DHX37: variants seen among roughly 807,000 people sequenced by gnomAD.
The protein encoded by DHX37 is probable ATP-dependent RNA helicase DHX37.
DHX37 carries 52 observed loss-of-function variants against 134.3 expected under a neutral mutation model. The observed-to-expected ratio is 0.39, with a 90% CI of 0.31 to 0.49. The LOEUF (loss-of-function observed/expected upper bound fraction) is 0.49. Ranked by LOEUF, DHX37 falls within the 20% of genes least tolerant of loss-of-function variation. The pLI is 0.93. For missense variants in DHX37, 1,344 were observed against 1,580.8 expected (o/e 0.85, Z 2.54); for synonymous variants, 634 against 670.7 (o/e 0.95, Z 0.85).
At chr12:124,984,173 CA>C (rs1954818754) in intron 2 of DHX37, among the ~76,000 whole-genome samples, 1 of 152,200 alleles carries the variant, frequency 6.6e-6, no homozygotes, top group Non-Finnish European at 1.5e-5. Flanking sequence ...TTCCGGATGA[CA>C]GTCACTGCTA....
Position 124,977,383 on chromosome 12 carries a change from G to T in DHX37, c.846C>A (p.Thr282=). 1 of 1,600,302 alleles carries T rather than the reference G, an allele frequency of 6.2e-7. No homozygotes were observed. Among genetic ancestry groups the T allele is most frequent in the Non-Finnish European group, 8.5e-7 (1 of 1,174,246 alleles). The part of the protein sequence containing the change: ...IVCGETGSGK[T]TQVPQFLYEA... ...CATAGAGAAACTGAGGCACCTGTGT[G>T]GTCTTCCCGCTGCCGGTCTCACCAC... The change falls in exon 5 of 27, where the codon ACC becomes ACA. Residue 282 remains threonine, a synonymous_variant. Coordinates refer to ENST00000308736, the MANE Select transcript of DHX37 (RefSeq NM_032656.4).
At position 124,956,800 on chromosome 12, in the gene DHX37, GT is replaced by G; in HGVS notation, c.2343del (p.Arg783AlafsTer8). ...LGRTMATFPV[A>X]PRYAKMLALS... ...AGTGCCAGCATCTTAGCGTAGCGGGGTGCCACGGGGAATGTGGCCATTGTCC... is the reference window on the plus strand; with the variant it reads ...AGTGCCAGCATCTTAGCGTAGCGGGGGCCACGGGGAATGTGGCCATTGTCC... On this transcript the variant is annotated frameshift_variant, in exon 18 of 27. Coordinates refer to ENST00000308736, the MANE Select transcript of DHX37 (RefSeq NM_032656.4). LOFTEE classifies it high-confidence loss of function. 6.2e-7 allele frequency: 1 copy of G among 1,611,942 alleles called. No homozygotes were observed. The highest frequency in any genetic ancestry group is 8.5e-7 in the Non-Finnish European group (1 of 1,178,436).
At chr12:124,953,854 A>C in intron 20 of DHX37, 26 bp downstream of exon 20, 1 of 1,606,006 alleles carries the variant, frequency 6.2e-7, no homozygotes, top group Non-Finnish European at 8.5e-7. Flanking sequence ...CGCCGGGTGC[A>C]GCGGCGTGCC....
chr12:124,947,650 G>A lies in DHX37; in HGVS notation c.*152C>T, dbSNP rs559638121. On this transcript the variant is annotated 3_prime_UTR_variant, in exon 27 of 27. Coordinates refer to ENST00000308736, the MANE Select transcript of DHX37 (RefSeq NM_032656.4). ...GCGGCAGCACCCTTCATACGGGATCGAGCTCTCATGGATGAGGGTTCCCAG... is the reference window on the plus strand; with the variant it reads ...GCGGCAGCACCCTTCATACGGGATCAAGCTCTCATGGATGAGGGTTCCCAG... 3.2e-5 allele frequency: 33 copies of A among 1,030,284 alleles called. No homozygotes were observed. Among genetic ancestry groups the A allele is most frequent in the South Asian group, 3.0e-4 (16 of 53,962 alleles). 63.8% of individuals were successfully genotyped at this position (1,030,284 alleles called of 1,614,324 possible).
In DHX37 at chr12:124,954,157, C is replaced by T. The variant is rs1411084182; in HGVS notation, c.2508G>A (p.Val836=). Residue 836 remains valine, a synonymous_variant, in exon 19 of 27, where the codon GTG becomes GTA. Coordinates refer to ENST00000308736, the MANE Select transcript of DHX37 (RefSeq NM_032656.4). ...LTRLKSKRAR[V]AQMKRTWAGQ... ...CTGCCCAGGTCCTCTTCATCTGGGC[C>T]ACCCGGGCCCGCTTGCTCTTCAGCC... 1.2e-6 allele frequency: 2 copies of T among 1,612,342 alleles called. No individual in the cohort carries two copies. Among genetic ancestry groups the T allele is most frequent in the African/African-American group, 1.3e-5 (1 of 74,962 alleles).
chr12:124,964,773 G>T (rs912278724), intron 14 of DHX37, 147 bp from the exon 15 acceptor site: 1 of 1,455,832 alleles, frequency 6.9e-7, no homozygotes, highest in Admixed American at 2.6e-5. Context: ...TGCCTTGGGG[G>T]AGGGTTCCCT....
chr12:124,950,272 AC>A, intron 23 of DHX37, 29 bp from the exon 24 acceptor site: 1 of 1,610,864 alleles, frequency 6.2e-7, no homozygotes, highest in Non-Finnish European at 8.5e-7. Context: ...TGAGACAGGG[AC>A]CCTCCTGCAG....
chr12:124,974,145 G>A (rs1242261905), intron 6 of DHX37, among the ~76,000 whole-genome samples: 7 of 150,354 alleles, frequency 4.7e-5, no homozygotes, highest in African/African-American at 1.5e-4. Flanking sequence ...TTCAAGAGAT[G>A]GGGTTTCACC....
intron 3 of DHX37, among the ~76,000 whole-genome samples, chr12:124,982,263 C>A (rs747794086): frequency 6.6e-6 from 1 of 152,204 alleles, no homozygotes; most frequent in Non-Finnish European, 1.5e-5. Context: ...AGGGACTCTA[C>A]ACCACAGGAA....
At position 124,980,871 on chromosome 12, in the gene DHX37, G is replaced by GCC; in HGVS notation, c.390-35_390-34dup. Reference sequence around the variant, plus strand: ...GATAGCAGAGACTTCAGGCACAGAGGCCCCACCTCAATCCCAGAGGTCAGG... The same window carrying GCC: ...GATAGCAGAGACTTCAGGCACAGAGGCCCCCCACCTCAATCCCAGAGGTCAGG... On this transcript the variant is annotated intron_variant, in intron 3 of 26. Coordinates refer to ENST00000308736, the MANE Select transcript of DHX37 (RefSeq NM_032656.4). The surrounding 1 kb of genome is among the most constrained non-coding windows in gnomAD (Gnocchi z 5.3). The GCC allele has an allele frequency of 6.5e-7, 1 of 1,536,800 alleles. No individual in the cohort carries two copies. The highest frequency in any genetic ancestry group is 8.7e-7 in the Non-Finnish European group (1 of 1,146,642).
rs372216152 is a variant in DHX37 at position 124,982,589 on chromosome 12, T to C, written c.311A>G (p.Gln104Arg). Residue 104 changes from glutamine (Q) to arginine (R), a missense_variant, in exon 3 of 27, where the codon CAG (glutamine) becomes CGG (arginine). Around this residue, in one of 7 missense-constraint regions of DHX37, gnomAD observed 319 missense variants for 296.1 expected, o/e 1.08. Coordinates refer to ENST00000308736, the MANE Select transcript of DHX37 (RefSeq NM_032656.4). ...AEMLQKLSEVQASEAEMRLFY... is the reference protein window; with the variant it reads ...AEMLQKLSEVRASEAEMRLFY... ...GAGTCTCATCTCAGCTTCGGAAGCC[T>C]GGACTTCACTCAGCTTCTGTAGCAT... The C allele has an allele frequency of 4.2e-5, 68 of 1,613,470 alleles. No individual in the cohort carries two copies. Among genetic ancestry groups the C allele is most frequent in the Non-Finnish European group, 5.5e-5 (65 of 1,179,720 alleles).
Position 124,980,698 on chromosome 12 carries a change from G to T in DHX37, c.530C>A (p.Ser177Ter). 2 of 1,574,438 alleles carry T rather than the reference G, an allele frequency of 1.3e-6. No individual in the cohort carries two copies. Among genetic ancestry groups the T allele is most frequent in the East Asian group, 2.4e-5 (1 of 42,550 alleles). Reference sequence around the variant, plus strand: ...AGCAGCTGGGTCCTCGTCCAGCTCCGACTCCTCCTCCAGCTCCGATTCCGA... The same window carrying T: ...AGCAGCTGGGTCCTCGTCCAGCTCCTACTCCTCCTCCAGCTCCGATTCCGA... ...EESESELEEE[S>*]ELDEDPAAEP... The change falls in exon 4 of 27, where the codon TCG becomes TAG. Residue 177 changes from serine (S) to a stop codon, truncating the protein, a stop_gained. Transcript: ENST00000308736. LOFTEE classifies it high-confidence loss of function. The surrounding 1 kb of genome is among the most constrained non-coding windows in gnomAD (Gnocchi z 5.3).
chr12:124,970,240 C>T (rs968878259), intron 8 of DHX37, among the ~76,000 whole-genome samples: 15 of 152,212 alleles, frequency 9.9e-5, no homozygotes, highest in Admixed American at 3.9e-4. Context: ...TCCCACAGTG[C>T]TGGGATTACA....
intron 2 of DHX37, among the ~76,000 whole-genome samples, chr12:124,985,202 G>A (rs143352221): frequency 1.3e-5 from 2 of 152,248 alleles, no homozygotes; most frequent in African/African-American, 4.8e-5. Context: ...GTGGTCATTT[G>A]TATGACATCC....
intron 16 of DHX37, among the ~76,000 whole-genome samples, chr12:124,957,396 G>A (rs571154729): frequency 2.0e-5 from 3 of 152,310 alleles, no homozygotes; most frequent in African/African-American, 4.8e-5. Flanking sequence ...CTTTGCCCCC[G>A]CTGGGTGCTT....
intron 15 of DHX37, among the ~76,000 whole-genome samples, chr12:124,961,163 T>C (rs1303176108): frequency 1.4e-5 from 2 of 146,872 alleles, no homozygotes; most frequent in Non-Finnish European, 1.5e-5. Flanking sequence ...CACACACACT[T>C]ACATACACGC....
chr12:124,964,783 T>C, intron 14 of DHX37, 147 bp downstream of exon 14: 1 of 1,444,232 alleles, frequency 6.9e-7, no homozygotes, highest in South Asian at 1.4e-5. Flanking sequence ...GAGGGTTCCC[T>C]ATTCTCCAAA....
intron 21 of DHX37, 121 bp downstream of exon 21, chr12:124,952,277 T>C: frequency 9.7e-7 from 1 of 1,026,064 alleles, no homozygotes. Context: ...GCCCCACTTG[T>C]TCCTCAGTGG....
intron 2 of DHX37, among the ~76,000 whole-genome samples, chr12:124,985,639 C>T (rs1271394140): frequency 6.8e-6 from 1 of 147,748 alleles, no homozygotes; most frequent in African/African-American, 2.5e-5. Flanking sequence ...CCCAGCTACA[C>T]AGGAGGCTGA....
Sources: gnomAD v4.1 joint callset for allele counts (sites outside exome capture counted in the v4.1 genomes callset) on GRCh38, gnomAD v4.1.1 for gene constraint, gnomAD v4.1.1 regional missense constraint, Gnocchi (gnomAD v3.1) non-coding constraint, MANE v1.5 for transcripts, NCBI Gene and HGNC (gene_info 2026-07-23, HGNC 2026-07-21) for gene names.